Variants in ATF6 observed in about 807,000 individuals in gnomAD.
ATF6 encodes the protein cyclic AMP-dependent transcription factor ATF-6 alpha.
Under a neutral mutation model 83.6 loss-of-function variants are expected in ATF6, and 53 were observed. The ratio of observed to expected loss-of-function variants is 0.63; its 90% confidence interval spans 0.51 to 0.80. The LOEUF (loss-of-function observed/expected upper bound fraction) is 0.80. ATF6 is among the 30% of genes least tolerant of loss of function. The probability of loss-of-function intolerance (pLI) is 0.00; values close to 1 mark genes in which losing one functional copy is unlikely to be tolerated. For missense variants in ATF6, 744 were observed against 797.9 expected (o/e 0.93, Z 0.81); for synonymous variants, 288 against 285.8 (o/e 1.01, Z -0.08).
chr1:161,827,492 A>G (rs148805008), intron 9 of ATF6, among the ~76,000 whole-genome samples: 8 of 152,356 alleles, frequency 5.3e-5, no homozygotes, highest in Non-Finnish European at 7.3e-5. Context: ...AGTTTGTCAG[A>G]CAAATAGACA....
chr1:161,889,418 C>T (rs1687502588), intron 14 of ATF6, among the ~76,000 whole-genome samples: 1 of 152,240 alleles, frequency 6.6e-6, no homozygotes, highest in Admixed American at 6.5e-5. Flanking sequence ...AAGAACAATC[C>T]TTAATAAACT....
chr1:161,905,784 T>C (rs772957088), intron 14 of ATF6, among the ~76,000 whole-genome samples: 3 of 152,200 alleles, frequency 2.0e-5, no homozygotes, highest in Non-Finnish European at 4.4e-5. Flanking sequence ...TAACAAAGTT[T>C]TGAACTTTGA....
At chr1:161,887,082 C>CT (rs1216706290) in intron 14 of ATF6, among the ~76,000 whole-genome samples, 6 of 145,482 alleles carry the variant, frequency 4.1e-5, no homozygotes, top group Non-Finnish European at 9.1e-5. Flanking sequence ...TTTTTTTTTT[C>CT]TTTTTTTGAG....
At chr1:161,806,348 T>C (rs939374732) in intron 7 of ATF6, among the ~76,000 whole-genome samples, 2 of 152,220 alleles carry the variant, frequency 1.3e-5, no homozygotes, top group Admixed American at 6.5e-5. Flanking sequence ...CATAATCGCA[T>C]AAACTTTATG....
rs373117871 is a variant in ATF6 at position 161,844,021 on chromosome 1, G to A, written c.1188-2428G>A. Among the ~76,000 whole-genome samples the A allele has an allele frequency of 4.6e-5, 7 of 152,308 alleles. No individual in the cohort carries two copies. In the East Asian group the frequency reaches 1.3e-3, roughly 29 times the overall value. On this transcript the variant is annotated intron_variant, in intron 9 of 15. Coordinates refer to ENST00000367942, the MANE Select transcript of ATF6 (RefSeq NM_007348.4). ...AAGTAATGGTTCAAAATCGATTTGT[G>A]TGAAAGGACTTAGGGTTTTAATTAC...
Position 161,872,470 on chromosome 1 carries a change from T to A in ATF6, c.1719+9158T>A, listed in dbSNP as rs535554623. ...GCCCTGTGGAAAACCAAGCCACATG[T>A]TACTCAAAGTAATAGTGTAGGAGGA... On this transcript the variant is annotated intron_variant, in intron 14 of 15. Transcript: ENST00000367942. 2.9e-3 allele frequency among the ~76,000 whole-genome samples: 433 copies of A among 151,718 alleles called. 2 individuals carry two copies. The highest frequency in any genetic ancestry group is 4.4e-3 in the Non-Finnish European group (298 of 67,566).
intron 6 of ATF6, 112 bp from the exon 7 acceptor site, chr1:161,801,940 C>T (rs1685159370): frequency 4.6e-6 from 4 of 877,878 alleles, no homozygotes; most frequent in Admixed American, 2.2e-5. Flanking sequence ...GGTGTCCAAT[C>T]CCTTGGTGTT....
At chr1:161,799,521 A>T (rs1571141449) in intron 6 of ATF6, among the ~76,000 whole-genome samples, 1 of 152,200 alleles carries the variant, frequency 6.6e-6, no homozygotes, top group Non-Finnish European at 1.5e-5. Flanking sequence ...CTGTATGCCA[A>T]ACACCTGTGA....
intron 14 of ATF6, among the ~76,000 whole-genome samples, chr1:161,884,658 C>T (rs927555015): frequency 5.9e-5 from 9 of 152,070 alleles, no homozygotes; most frequent in Non-Finnish European, 1.3e-4. Flanking sequence ...TACAAGGACT[C>T]CAGCAATGAG....
At chr1:161,927,605 A>G (rs1284104315) in intron 15 of ATF6, among the ~76,000 whole-genome samples, 1 of 152,256 alleles carries the variant, frequency 6.6e-6, no homozygotes, top group Non-Finnish European at 1.5e-5. Flanking sequence ...TCATCCTGTC[A>G]CTGATTACTG....
intron 14 of ATF6, among the ~76,000 whole-genome samples, chr1:161,877,345 A>G (rs558046741): frequency 4.6e-5 from 7 of 152,134 alleles, no homozygotes; most frequent in African/African-American, 7.2e-5. Context: ...AAAACACACA[A>G]TGGACTCAGA....
At position 161,960,044 on chromosome 1, in the gene ATF6, A is replaced by G. The variant is rs1689064040; in HGVS notation, c.*1390A>G. 1 of 151,950 alleles carries G rather than the reference A, an allele frequency of 6.6e-6. No homozygotes were observed. Among genetic ancestry groups the G allele is most frequent in the Non-Finnish European group, 1.5e-5 (1 of 68,014 alleles). 9.4% of individuals were successfully genotyped at this position (151,950 alleles called of 1,614,324 possible). On this transcript the variant is annotated 3_prime_UTR_variant, in exon 16 of 16. Transcript: ENST00000367942. ...ATGGCAATAATTTTCAGTTTCTCCAACGAAAAGATAGTGAAGGAATTAAAT... is the reference window on the plus strand; with the variant it reads ...ATGGCAATAATTTTCAGTTTCTCCAGCGAAAAGATAGTGAAGGAATTAAAT...
At chr1:161,935,822 G>A (rs1688523715) in intron 15 of ATF6, among the ~76,000 whole-genome samples, 1 of 152,226 alleles carries the variant, frequency 6.6e-6, no homozygotes. Context: ...TAGGTTCTCA[G>A]TAAAGAGTGG....
At chr1:161,885,363 G>A (rs780816660) in intron 14 of ATF6, among the ~76,000 whole-genome samples, 26 of 152,182 alleles carry the variant, frequency 1.7e-4, no homozygotes, top group Non-Finnish European at 2.1e-4. Context: ...GTAGTACTGC[G>A]TAACTACTGT....
intron 12 of ATF6, among the ~76,000 whole-genome samples, chr1:161,858,748 G>A (rs181104824): frequency 1.3e-5 from 2 of 152,232 alleles, no homozygotes; most frequent in Admixed American, 1.3e-4. Flanking sequence ...AACCCATACA[G>A]CTGAAAATGC....
intron 6 of ATF6, among the ~76,000 whole-genome samples, chr1:161,799,272 C>A (rs1685088099): frequency 2.6e-5 from 4 of 152,162 alleles, no homozygotes. Context: ...AAATCATGTT[C>A]TTTGCAGCAA....
intron 10 of ATF6, among the ~76,000 whole-genome samples, chr1:161,851,060 G>T (rs1470793452): frequency 6.6e-6 from 1 of 151,778 alleles, no homozygotes; most frequent in East Asian, 1.9e-4. Context: ...ATTCTTCCAT[G>T]ATCCCATAGT....
chr1:161,801,972 A>G (rs1423392856), intron 6 of ATF6, 80 bp from the exon 7 acceptor site: 1 of 1,344,846 alleles, frequency 7.4e-7, no homozygotes, highest in Non-Finnish European at 1.1e-6. Context: ...TTACGTCTGC[A>G]GAAAAGACCT....
At chr1:161,814,121 T>A (rs1056215366) in intron 7 of ATF6, among the ~76,000 whole-genome samples, 2 of 152,160 alleles carry the variant, frequency 1.3e-5, no homozygotes. Flanking sequence ...TGACCTCAGG[T>A]GATCCGCCCG....
Sources: gnomAD v4.1 joint callset for allele counts (sites outside exome capture counted in the v4.1 genomes callset) on GRCh38, gnomAD v4.1.1 for gene constraint, MANE v1.5 for transcripts, NCBI Gene and HGNC (gene_info 2026-07-23, HGNC 2026-07-21) for gene names.